LYSMD2: variants seen among roughly 807,000 people sequenced by gnomAD.
LYSMD2 encodes the protein LysM domain containing 2.
Under a neutral mutation model 17.7 loss-of-function variants are expected in LYSMD2, and 6 were observed. That is an observed-to-expected ratio of 0.34 (90% confidence interval 0.19 to 0.67). The LOEUF is 0.67. LYSMD2 is among the 30% of genes least tolerant of loss of function. The pLI, the probability that LYSMD2 is intolerant of heterozygous loss-of-function variation, is 0.69. For synonymous variants in LYSMD2, 102 were observed against 129.8 expected (o/e 0.79, Z 1.45); for missense variants, 237 against 286.7 (o/e 0.83, Z 1.25).
At chr15:51,726,617 G>A (rs764475494) in intron 1 of LYSMD2, among the ~76,000 whole-genome samples, 12 of 152,230 alleles carry the variant, frequency 7.9e-5, no homozygotes, top group Non-Finnish European at 1.5e-4. Context: ...GAGATAGGCT[G>A]GAGATGCTGG....
upstream of LYSMD2, among the ~76,000 whole-genome samples, chr15:51,742,348 C>T (rs1314282120): frequency 6.6e-6 from 1 of 152,220 alleles, no homozygotes. Flanking sequence ...GCAATAACCA[C>T]ATTCCAGCCT....
intron 1 of LYSMD2, among the ~76,000 whole-genome samples, chr15:51,736,470 A>C (rs997783390): frequency 2.0e-4 from 31 of 152,312 alleles, no homozygotes; most frequent in African/African-American, 7.2e-4. Flanking sequence ...CTTCATACTG[A>C]TGCTCCTTCA....
chr15:51,727,897 TCAGA>T (rs1321608153), intron 1 of LYSMD2, among the ~76,000 whole-genome samples: 2 of 152,198 alleles, frequency 1.3e-5, no homozygotes, highest in African/African-American at 4.8e-5. Context: ...CCAGGGATAT[TCAGA>T]CACAGTTAGC....
Position 51,725,124 on chromosome 15 carries a change from AAAATATAAAAAAGG to A in LYSMD2, c.274-17_274-4del. The stretch of plus-strand genomic sequence containing the variant: ...TTGGCCCTTTTAATCTGTTCCATCT[AAAATATAAAAAAGG>A]AGACACAGAATTACATATAACCAAG... On this transcript the variant is annotated splice_polypyrimidine_tract_variant and splice_region_variant and intron_variant, in intron 1 of 2. Transcript: ENST00000267838. The A allele has an allele frequency of 6.5e-7, 1 of 1,549,922 alleles. No individual in the cohort carries two copies. The highest frequency in any genetic ancestry group is 1.2e-5 in the South Asian group (1 of 84,290).
chr15:51,735,422 A>G (rs2055602678), intron 1 of LYSMD2, among the ~76,000 whole-genome samples: 1 of 152,160 alleles, frequency 6.6e-6, no homozygotes, highest in African/African-American at 2.4e-5. Context: ...ACTGGCATCT[A>G]GTGGGTAGAG....
In LYSMD2 at chr15:51,726,114, A is replaced by C. The variant is rs193215027; in HGVS notation, c.274-993T>G. ...TAAGCTGATTCCATGCAAATAGTAC[A>C]TGTAAAGCTTTCTTTTTTCTTCTAA... On this transcript the variant is annotated intron_variant, in intron 1 of 2. Coordinates refer to ENST00000267838, the MANE Select transcript of LYSMD2 (RefSeq NM_153374.3). 1.5e-4 allele frequency among the ~76,000 whole-genome samples: 23 copies of C among 152,348 alleles called. No individual in the cohort carries two copies. In the East Asian group the frequency reaches 4.2e-3, roughly 28 times the overall value.
upstream of LYSMD2, chr15:51,737,829 G>A: frequency 3.0e-6 from 1 of 328,324 alleles, no homozygotes; most frequent in Non-Finnish European, 5.5e-6. The surrounding 1 kb of genome is among the most constrained non-coding windows in gnomAD (Gnocchi z 4.2). Flanking sequence ...GGGCGCCCGC[G>A]GCACACGCAC....
intron 1 of LYSMD2, among the ~76,000 whole-genome samples, chr15:51,732,764 T>G (rs2055584781): frequency 6.6e-6 from 1 of 152,134 alleles, no homozygotes; most frequent in Non-Finnish European, 1.5e-5. Flanking sequence ...TTACAGCATA[T>G]CAGCAAATCA....
intron 1 of LYSMD2, among the ~76,000 whole-genome samples, chr15:51,729,058 T>G (rs2055559367): frequency 6.6e-6 from 1 of 152,272 alleles, no homozygotes; most frequent in Non-Finnish European, 1.5e-5. Context: ...TTAGGCCAAA[T>G]GCATAGGCTC....
rs1343081779 is a variant in LYSMD2 at position 51,745,373 on chromosome 15, C to T, written c.-1+5898G>A. 2.0e-5 allele frequency among the ~76,000 whole-genome samples: 3 copies of T among 152,086 alleles called. No homozygotes were observed. The East Asian group carries it at 5.8e-4, about 29-fold the overall frequency. ...TCAACAAAATACTAGCAAGCTAAAC[C>T]TTGCAACATGTAGAAAGATTATATA... On this transcript the variant is annotated intron_variant, in intron 1 of 2. Coordinates refer to the LYSMD2 transcript ENST00000454181.
intron 1 of LYSMD2, among the ~76,000 whole-genome samples, chr15:51,747,139 G>A (rs2055672111): frequency 6.6e-6 from 1 of 151,880 alleles, no homozygotes; most frequent in Admixed American, 6.6e-5. Flanking sequence ...GGCAGAGGTT[G>A]CAGTGAGCCG....
intron 1 of LYSMD2, among the ~76,000 whole-genome samples, chr15:51,726,810 A>G (rs1174878343): frequency 3.9e-5 from 6 of 152,172 alleles, no homozygotes. Context: ...TAGCTGAAAG[A>G]GCTCTTGCTG....
rs2055516767 is a variant in LYSMD2, at chr15:51,723,586, A to C, written c.*21T>G. 1 of 1,592,128 alleles carries C rather than the reference A, an allele frequency of 6.3e-7. No homozygotes were observed. Among genetic ancestry groups the C allele is most frequent in the East Asian group, 2.2e-5 (1 of 44,528 alleles). On this transcript the variant is annotated 3_prime_UTR_variant, in exon 3 of 3. Coordinates refer to ENST00000267838, the MANE Select transcript of LYSMD2 (RefSeq NM_153374.3). ...GTCCAAACATATCTTAATTTTGGTT[A>C]GAGTTATGCCCCCAAATCACCTAAC...
upstream of LYSMD2, chr15:51,737,758 G>C: frequency 3.1e-6 from 2 of 640,882 alleles, no homozygotes; most frequent in Non-Finnish European, 4.3e-6. The surrounding 1 kb of genome is among the most constrained non-coding windows in gnomAD (Gnocchi z 4.2). Context: ...ACGGGAAGCC[G>C]AGGCGGGGAG....
rs2055512426 is a variant in LYSMD2, at chr15:51,723,027, A to G, written c.*580T>C. The G allele has an allele frequency of 6.6e-6, 1 of 151,978 alleles. No individual in the cohort carries two copies. Among genetic ancestry groups the G allele is most frequent in the Non-Finnish European group, 1.5e-5 (1 of 67,980 alleles). The allele number at this position is 151,978 out of a possible 1,614,324, so 9.4% of individuals were successfully genotyped here. Reference sequence around the variant, plus strand: ...ATTTAAATGTATAATTTAAAAGTCAATTTTATTTTCTCATTTGTTAAAAAA... The same window carrying G: ...ATTTAAATGTATAATTTAAAAGTCAGTTTTATTTTCTCATTTGTTAAAAAA... On this transcript the variant is annotated 3_prime_UTR_variant, in exon 3 of 3. Transcript: ENST00000267838.
At chr15:51,750,977 A>C (rs1567232259) in intron 1 of LYSMD2, among the ~76,000 whole-genome samples, 1 of 152,216 alleles carries the variant, frequency 6.6e-6, no homozygotes, top group Admixed American at 6.5e-5. Flanking sequence ...CTGAGTATGC[A>C]CTAAGTGCCA....
intron 1 of LYSMD2, among the ~76,000 whole-genome samples, chr15:51,744,586 A>C: frequency 6.6e-6 from 1 of 152,032 alleles, no homozygotes; most frequent in South Asian, 2.1e-4. Context: ...TATTCATGAG[A>C]GATATTGGCC....
rs75097183 is a variant in LYSMD2 at position 51,730,523 on chromosome 15, A to T, written c.274-5402T>A. On this transcript the variant is annotated intron_variant, in intron 1 of 2. Transcript: ENST00000267838. The stretch of plus-strand genomic sequence containing the variant: ...AGAGCAAGACCCTGTCTCAAAAAAA[A>T]TTTTTTTTAATAAAATAAAATACAA... Among the ~76,000 whole-genome samples the T allele has an allele frequency of 5.0e-3, 762 of 152,170 alleles. 27 individuals carry two copies. The East Asian group carries it at 0.081, about 16-fold the overall frequency.
intron 1 of LYSMD2, among the ~76,000 whole-genome samples, chr15:51,749,421 G>A (rs1456695255): frequency 6.6e-6 from 1 of 152,182 alleles, no homozygotes. Flanking sequence ...CCTGGAGCAT[G>A]GCTCTGGGGC....
Sources: gnomAD v4.1 joint callset for allele counts (sites outside exome capture counted in the v4.1 genomes callset) on GRCh38, gnomAD v4.1.1 for gene constraint, Gnocchi (gnomAD v3.1) non-coding constraint, MANE v1.5 for transcripts, NCBI Gene and HGNC (gene_info 2026-07-23, HGNC 2026-07-21) for gene names.